Variants in MSH3 observed in about 807,000 individuals in gnomAD.
MSH3 encodes DNA mismatch repair protein Msh3.
In MSH3, 106 loss-of-function variants were observed where a neutral mutation model predicts 123.3. The ratio of observed to expected loss-of-function variants is 0.86; its 90% CI spans 0.73 to 1.01. The LOEUF (loss-of-function observed/expected upper bound fraction) is 1.01. MSH3 is among the 50% of genes least tolerant of loss of function. MSH3 has a pLI of 0.00. For synonymous variants in MSH3, 515 were observed against 481.4 expected (o/e 1.07, Z -0.91); for missense variants, 1,459 against 1,347.6 (o/e 1.08, Z -1.29).
intron 16 of MSH3, among the ~76,000 whole-genome samples, chr5:80,777,282 A>G (rs1744323155): frequency 6.7e-6 from 1 of 150,020 alleles, no homozygotes; most frequent in Non-Finnish European, 1.5e-5. Context: ...TTCTAATACC[A>G]TCTTTTTTTT....
chr5:80,762,840 GTTATT>G lies in MSH3; in HGVS notation c.1896+1180_1896+1184del, dbSNP rs1298690465. On this transcript the variant is annotated intron_variant, in intron 13 of 23. Coordinates refer to ENST00000265081, the MANE Select transcript of MSH3 (RefSeq NM_002439.5). ...GTTATGTTATGTTATGTTATTTTAT[GTTATT>G]TTATTTTATTTTATTTTTGAGACAG... Among the ~76,000 whole-genome samples the G allele has an allele frequency of 7.9e-3, 1,025 of 130,176 alleles. 7 individuals carry two copies. Among genetic ancestry groups the G allele is most frequent in the Middle Eastern group, 0.037 (9 of 242 alleles). 85.4% of individuals were successfully genotyped at this position (130,176 alleles called of 152,430 possible).
intron 10 of MSH3, among the ~76,000 whole-genome samples, chr5:80,738,058 C>T (rs1438503034): frequency 6.6e-6 from 1 of 152,210 alleles, no homozygotes; most frequent in African/African-American, 2.4e-5. Context: ...ACACACAACA[C>T]ATTAATACTT....
At chr5:80,803,109 T>A (rs1245339217) in intron 19 of MSH3, among the ~76,000 whole-genome samples, 1 of 152,150 alleles carries the variant, frequency 6.6e-6, no homozygotes, top group Non-Finnish European at 1.5e-5. Flanking sequence ...GCAGTGGGAT[T>A]GCTAGATCAT....
chr5:80,665,114 T>G, intron 2 of MSH3, 29 bp from the exon 3 acceptor site: 1 of 1,571,052 alleles, frequency 6.4e-7, no homozygotes. Context: ...ATTACTATTG[T>G]TCTGTTTTCT....
At chr5:80,819,569 C>T (rs1421882005) in intron 20 of MSH3, among the ~76,000 whole-genome samples, 1 of 151,456 alleles carries the variant, frequency 6.6e-6, no homozygotes, top group African/African-American at 2.4e-5. Context: ...TCACTGCAAC[C>T]TCCGCCTCCT....
chr5:80,658,032 G>GC (rs748829283), intron 2 of MSH3, among the ~76,000 whole-genome samples: 8 of 48,074 alleles, frequency 1.7e-4, no homozygotes, highest in African/African-American at 1.5e-4. Flanking sequence ...AATGCTTTTT[G>GC]CCCTCTTTTT....
At chr5:80,830,304 C>A (rs1745395469) in intron 20 of MSH3, among the ~76,000 whole-genome samples, 1 of 152,106 alleles carries the variant, frequency 6.6e-6, no homozygotes, top group African/African-American at 2.4e-5. Context: ...CTGGTTTGCC[C>A]TTGAACTCTT....
chr5:80,790,028 A>G (rs912726030), intron 18 of MSH3, among the ~76,000 whole-genome samples: 1 of 152,238 alleles, frequency 6.6e-6, no homozygotes, highest in African/African-American at 2.4e-5. Flanking sequence ...TAACTTTCAT[A>G]TCCTGCTTGT....
intron 20 of MSH3, among the ~76,000 whole-genome samples, chr5:80,822,988 G>GT (rs1259673728): frequency 6.6e-6 from 1 of 152,162 alleles, no homozygotes; most frequent in Non-Finnish European, 1.5e-5. Context: ...AAACATACTA[G>GT]TTTTTTAGCT....
intron 20 of MSH3, among the ~76,000 whole-genome samples, chr5:80,814,969 T>C (rs1290787064): frequency 6.6e-6 from 1 of 152,246 alleles, no homozygotes; most frequent in Non-Finnish European, 1.5e-5. Context: ...TTCTTACATG[T>C]ACATTTCTAA....
At chr5:80,832,837 T>G (rs902013835) in intron 20 of MSH3, among the ~76,000 whole-genome samples, 29 of 152,086 alleles carry the variant, frequency 1.9e-4, no homozygotes, top group Admixed American at 1.9e-3. Flanking sequence ...ATATTTAAGC[T>G]CTAGTTATCA....
chr5:80,769,513 T>C (rs191987637), intron 15 of MSH3, among the ~76,000 whole-genome samples: 82 of 152,200 alleles, frequency 5.4e-4, no homozygotes, highest in Non-Finnish European at 9.9e-4. Flanking sequence ...AATATGTTTC[T>C]TGGGGGTGTG....
chr5:80,848,483 A>T (rs1467865599), intron 20 of MSH3, among the ~76,000 whole-genome samples: 1 of 152,226 alleles, frequency 6.6e-6, no homozygotes, highest in African/African-American at 2.4e-5. Context: ...TGATAAAGAC[A>T]TACCCGAGAC....
At chr5:80,836,361 A>G (rs990414880) in intron 20 of MSH3, among the ~76,000 whole-genome samples, 17 of 152,184 alleles carry the variant, frequency 1.1e-4, no homozygotes, top group Non-Finnish European at 1.6e-4. Flanking sequence ...GGGACTACAG[A>G]GATAAATCAG....
At position 80,729,014 on chromosome 5, in the gene MSH3, C is replaced by G. The variant is rs545434813; in HGVS notation, c.1568+49C>G. ...AAAAAGGGGGAGCTTATATTATGAA[C>G]ATTTCTTAAATTGAATTTGGTAGTA... On this transcript the variant is annotated intron_variant, in intron 10 of 23. Transcript: ENST00000265081. 4 of 1,076,596 alleles carry G rather than the reference C, an allele frequency of 3.7e-6. No individual in the cohort carries two copies. The African/African-American group carries it at 6.2e-5, about 17-fold the overall frequency. 66.7% of individuals were successfully genotyped at this position (1,076,596 alleles called of 1,614,324 possible). A position where few individuals can be genotyped will look rare whatever the true frequency, so the allele number is the denominator to read the frequency against.
intron 18 of MSH3, among the ~76,000 whole-genome samples, chr5:80,789,941 G>A (rs1339018357): frequency 3.9e-5 from 6 of 152,002 alleles, no homozygotes; most frequent in African/African-American, 1.4e-4. Context: ...ATGGGATAAC[G>A]CTGTTTACCT....
At chr5:80,766,339 CTTTTTTTTTTTTTTT>C (rs1166492002) in intron 13 of MSH3, among the ~76,000 whole-genome samples, 1 of 78,212 alleles carries the variant, frequency 1.3e-5, no homozygotes, top group South Asian at 4.5e-4. Flanking sequence ...TGTTTTTTTC[CTTTTTTTTTTTTTTT>C]TTTTTTTTTG....
chr5:80,699,082 G>A (rs1467426853), intron 8 of MSH3, among the ~76,000 whole-genome samples: 2 of 152,054 alleles, frequency 1.3e-5, no homozygotes, highest in East Asian at 1.9e-4. Context: ...CTGGTGATGG[G>A]GACCGTAGCC....
At chr5:80,733,655 G>A (rs953718107) in intron 10 of MSH3, among the ~76,000 whole-genome samples, 1 of 151,712 alleles carries the variant, frequency 6.6e-6, no homozygotes, top group African/African-American at 2.4e-5. Flanking sequence ...TCAGAAAATG[G>A]ACAAATGATC....
Sources: gnomAD v4.1 joint callset for allele counts (sites outside exome capture counted in the v4.1 genomes callset) on GRCh38, gnomAD v4.1.1 for gene constraint, MANE v1.5 for transcripts, NCBI Gene and HGNC (gene_info 2026-07-23, HGNC 2026-07-21) for gene names.